The following ITSN1 variants were observed in gnomAD, a reference collection of about 807,000 sequenced individuals.
The protein encoded by ITSN1 is intersectin 1, also known as intersectin-1.
In ITSN1, 58 loss-of-function variants were observed where a neutral mutation model predicts 239.8. The observed-to-expected ratio is 0.24, with a 90% CI of 0.20 to 0.30. The LOEUF is 0.30. Ranked by LOEUF, ITSN1 falls within the 10% of genes least tolerant of loss-of-function variation. ITSN1 has a pLI of 1.00. For synonymous variants in ITSN1, 780 were observed against 770.8 expected, an observed-to-expected ratio of 1.01 and a Z score of -0.20; for missense variants, 1,558 against 2,103.3, an observed-to-expected ratio of 0.74 and a Z score of 5.07.
intron 31 of ITSN1, among the ~76,000 whole-genome samples, chr21:33,862,402 A>G (rs961222481): frequency 1.3e-5 from 2 of 152,206 alleles, no homozygotes; most frequent in Non-Finnish European, 2.9e-5. Context: ...TAAGCAGAAA[A>G]TGAAGGAAAA....
rs190594328 is a variant in ITSN1 at position 33,891,553 on chromosome 21, T to A, written c.*3253T>A. 8.5e-5 allele frequency: 13 copies of A among 152,242 alleles called. No individual in the cohort carries two copies. In the East Asian group the frequency reaches 2.5e-3, roughly 29 times the overall value. The allele number at this position is 152,242 out of a possible 1,614,324, so 9.4% of individuals were successfully genotyped here. A position where few individuals can be genotyped will look rare whatever the true frequency, so the allele number is the denominator to read the frequency against. ...GCCCAGGTGTCCTCCAGGGGAGTATTCTGGGGTGGCAGGGGGATTAGGTGC... is the reference window on the plus strand; with the variant it reads ...GCCCAGGTGTCCTCCAGGGGAGTATACTGGGGTGGCAGGGGGATTAGGTGC... On this transcript the variant is annotated 3_prime_UTR_variant, in exon 40 of 40. Coordinates refer to ENST00000381318, the MANE Select transcript of ITSN1 (RefSeq NM_003024.3).
At chr21:33,701,925 G>C (rs557372868) in intron 1 of ITSN1, among the ~76,000 whole-genome samples, 5 of 151,548 alleles carry the variant, frequency 3.3e-5, no homozygotes, top group African/African-American at 1.2e-4. Flanking sequence ...AAAATTAGCT[G>C]GGCGTGGTGG....
chr21:33,755,647 A>T (rs1164874738), intron 8 of ITSN1, among the ~76,000 whole-genome samples: 3 of 152,228 alleles, frequency 2.0e-5, no homozygotes, highest in Non-Finnish European at 4.4e-5. Context: ...AGCCACTGAT[A>T]TGCAAATCAA....
intron 1 of ITSN1, among the ~76,000 whole-genome samples, chr21:33,644,524 AAGAG>A (rs1361293787): frequency 1.3e-5 from 2 of 152,178 alleles, no homozygotes; most frequent in African/African-American, 4.8e-5. Context: ...CTGCCTGAGT[AAGAG>A]AGGAAATGAA....
At chr21:33,717,248 G>GT (rs1207400383) in intron 1 of ITSN1, among the ~76,000 whole-genome samples, 1 of 151,254 alleles carries the variant, frequency 6.6e-6, no homozygotes, top group African/African-American at 2.4e-5. Flanking sequence ...TCAGGCTGGA[G>GT]TACAGTGACA....
At chr21:33,877,071 T>TTTTTTTTTTTTTTTTTTTTA (rs1602690008) in intron 34 of ITSN1, among the ~76,000 whole-genome samples, 5 of 145,692 alleles carry the variant, frequency 3.4e-5, no homozygotes, top group East Asian at 2.1e-4. Flanking sequence ...TTTTTTTTTT[T>TTTTTTTTTTTTTTTTTTTTA]GAAATGGAGT....
chr21:33,785,825 G>T (rs1032493720), intron 16 of ITSN1, among the ~76,000 whole-genome samples: 1 of 151,938 alleles, frequency 6.6e-6, no homozygotes, highest in Non-Finnish European at 1.5e-5. Flanking sequence ...TTTTCCATGC[G>T]TTTTAATAGA....
At chr21:33,694,919 A>G (rs535947714) in intron 1 of ITSN1, among the ~76,000 whole-genome samples, 8 of 152,262 alleles carry the variant, frequency 5.3e-5, no homozygotes, top group East Asian at 1.9e-4. Context: ...GGCTCCATCA[A>G]TCCTGCCTGA....
chr21:33,738,482 A>G (rs1014671483), intron 5 of ITSN1, among the ~76,000 whole-genome samples: 5 of 150,846 alleles, frequency 3.3e-5, no homozygotes, highest in Admixed American at 1.3e-4. Context: ...GCTCACTGCA[A>G]CCTCCGCCTC....
rs145906424 is a variant in ITSN1 at position 33,856,213 on chromosome 21, A to G, written c.3662-523A>G. On this transcript the variant is annotated intron_variant, in intron 29 of 39. Transcript: ENST00000381318. ...AATCGTCATTGAGTGTTTTGTTTTC[A>G]CATTATTTTCGTGTTTCTGATGAAG... 1.3e-4 allele frequency among the ~76,000 whole-genome samples: 20 copies of G among 152,308 alleles called. No individual in the cohort carries two copies. In the East Asian group the frequency reaches 3.7e-3, roughly 28 times the overall value.
intron 1 of ITSN1, among the ~76,000 whole-genome samples, chr21:33,644,210 C>A (rs1049342560): frequency 6.6e-6 from 1 of 152,132 alleles, no homozygotes; most frequent in Non-Finnish European, 1.5e-5. Flanking sequence ...GTGCTTGAAA[C>A]GTTATTTTGA....
At chr21:33,795,617 A>G (rs549344763) in intron 17 of ITSN1, among the ~76,000 whole-genome samples, 1 of 151,938 alleles carries the variant, frequency 6.6e-6, no homozygotes, top group South Asian at 2.1e-4. Flanking sequence ...TCCCAGACCA[A>G]TTTACAGGAT....
chr21:33,719,163 G>A (rs933397855), intron 2 of ITSN1, among the ~76,000 whole-genome samples: 11 of 152,298 alleles, frequency 7.2e-5, no homozygotes, highest in East Asian at 1.9e-4. Context: ...ATACCGGGCC[G>A]GGCATGGTGG....
intron 36 of ITSN1, among the ~76,000 whole-genome samples, chr21:33,884,251 C>T (rs1394877938): frequency 6.6e-6 from 1 of 152,000 alleles, no homozygotes; most frequent in Non-Finnish European, 1.5e-5. Context: ...AAATGTTTCG[C>T]ATTCTTTGAG....
intron 1 of ITSN1, among the ~76,000 whole-genome samples, chr21:33,675,194 C>T (rs928789561): frequency 1.3e-5 from 2 of 152,072 alleles, no homozygotes; most frequent in Non-Finnish European, 2.9e-5. Context: ...TTTGTTGTAG[C>T]TGATGCTCTT....
chr21:33,764,310 G>A (rs2068570317), intron 9 of ITSN1, among the ~76,000 whole-genome samples: 1 of 152,180 alleles, frequency 6.6e-6, no homozygotes, highest in African/African-American at 2.4e-5. Flanking sequence ...ATTTAGGTAA[G>A]TGTGGTGAAA....
At chr21:33,790,086 G>A (rs1199818505) in intron 16 of ITSN1, among the ~76,000 whole-genome samples, 1 of 151,980 alleles carries the variant, frequency 6.6e-6, no homozygotes, top group Non-Finnish European at 1.5e-5. Context: ...AGCTGTGCTT[G>A]ATCAAAGACC....
At chr21:33,711,859 T>C (rs1424299897) in intron 1 of ITSN1, among the ~76,000 whole-genome samples, 1 of 152,210 alleles carries the variant, frequency 6.6e-6, no homozygotes, top group East Asian at 1.9e-4. Flanking sequence ...GTTATATTTA[T>C]GTTGAAACCC....
chr21:33,837,007 C>T (rs200119099), intron 29 of ITSN1: 1 of 1,613,338 alleles, frequency 6.2e-7, no homozygotes, highest in Non-Finnish European at 8.5e-7. Flanking sequence ...TTGTCCATCC[C>T]CCCCTCAGGC....
Sources: allele counts gnomAD v4.1 joint callset (sites outside exome capture counted in the v4.1 genomes callset), GRCh38; gene constraint gnomAD v4.1.1; transcripts MANE v1.5; gene names NCBI Gene and HGNC (gene_info 2026-07-23, HGNC 2026-07-21).